The following SLC38A11 variants were observed in gnomAD, a reference collection of about 807,000 sequenced individuals.
SLC38A11 encodes the protein putative sodium-coupled neutral amino acid transporter 11.
A neutral mutation model predicts 49.4 loss-of-function variants in SLC38A11; 51 were observed. That is an observed-to-expected ratio of 1.03 (90% CI 0.83 to 1.30). The LOEUF is 1.30. SLC38A11 is among the 50% of genes most tolerant of loss of function. SLC38A11 has a pLI of 0.00. For missense variants in SLC38A11, 574 were observed against 556.2 expected, an observed-to-expected ratio of 1.03 and a Z score of -0.32; for synonymous variants, 203 against 192.9, an observed-to-expected ratio of 1.05 and a Z score of -0.43.
chr2:164,940,130 A>G (rs1687657079), intron 5 of SLC38A11, among the ~76,000 whole-genome samples: 1 of 150,436 alleles, frequency 6.6e-6, no homozygotes, highest in South Asian at 2.1e-4. Flanking sequence ...TGAATGGCAG[A>G]AGCAACATAT....
chr2:164,902,511 TA>T (rs1422056983), intron 11 of SLC38A11, among the ~76,000 whole-genome samples: 1 of 152,114 alleles, frequency 6.6e-6, no homozygotes, highest in African/African-American at 2.4e-5. Flanking sequence ...TACACAAAAG[TA>T]GAAAGAATAG....
intron 10 of SLC38A11, among the ~76,000 whole-genome samples, chr2:164,911,371 A>G (rs925396823): frequency 3.9e-5 from 6 of 152,156 alleles, no homozygotes; most frequent in Non-Finnish European, 8.8e-5. Context: ...ATGCAGTTGT[A>G]TAAATATTTG....
intron 9 of SLC38A11, among the ~76,000 whole-genome samples, chr2:164,913,380 C>G (rs866314486): frequency 6.6e-6 from 1 of 151,896 alleles, no homozygotes; most frequent in African/African-American, 2.4e-5. Context: ...CTAGAAATGT[C>G]GAGGAGAATC....
At chr2:164,932,199 C>T (rs1687054352) in intron 7 of SLC38A11, among the ~76,000 whole-genome samples, 1 of 152,020 alleles carries the variant, frequency 6.6e-6, no homozygotes, top group African/African-American at 2.4e-5. Context: ...TGAATCAAAA[C>T]CACAATGACA....
intron 7 of SLC38A11, among the ~76,000 whole-genome samples, chr2:164,931,048 A>C: frequency 6.6e-6 from 1 of 152,094 alleles, no homozygotes; most frequent in East Asian, 1.9e-4. Context: ...AAACAACTTC[A>C]GCAAAGCTTC....
At chr2:164,904,941 G>C (rs535516852) in intron 11 of SLC38A11, among the ~76,000 whole-genome samples, 1 of 152,132 alleles carries the variant, frequency 6.6e-6, no homozygotes, top group Non-Finnish European at 1.5e-5. Flanking sequence ...CCAAATGCCT[G>C]TGTTCAAATC....
At chr2:164,938,837 T>C (rs2105499309) in intron 6 of SLC38A11, among the ~76,000 whole-genome samples, 2 of 152,296 alleles carry the variant, frequency 1.3e-5, no homozygotes, top group Middle Eastern at 6.8e-3. Context: ...CCAATAATAT[T>C]TTGGGTAAAA....
intron 9 of SLC38A11, 55 bp from the exon 10 acceptor site, chr2:164,911,803 C>A: frequency 1.1e-6 from 1 of 950,172 alleles, no homozygotes. Flanking sequence ...TTTGAGATAA[C>A]TATCTAATAA....
intron 7 of SLC38A11, among the ~76,000 whole-genome samples, chr2:164,924,808 C>T (rs2105476762): frequency 6.6e-6 from 1 of 152,160 alleles, no homozygotes; most frequent in East Asian, 1.9e-4. Context: ...AATCTCGGCT[C>T]ACTGCAAGCT....
chr2:164,952,806 C>A lies in SLC38A11; in HGVS notation c.155-25G>T, dbSNP rs768034979. Reference sequence around the variant, plus strand: ...CCTGAAAAAACATAAAATGCCCCACCCTTCACATTAACAAGAAAGCTAGAA... The same window carrying A: ...CCTGAAAAAACATAAAATGCCCCACACTTCACATTAACAAGAAAGCTAGAA... On this transcript the variant is annotated intron_variant, in intron 2 of 11. Coordinates refer to ENST00000685975, the MANE Select transcript of SLC38A11 (RefSeq NM_001351537.2). 10 of 1,557,920 alleles carry A rather than the reference C, an allele frequency of 6.4e-6. No individual in the cohort carries two copies. The African/African-American group carries it at 1.1e-4, about 17-fold the overall frequency.
rs759201954 is a variant in SLC38A11, at chr2:164,911,703, A to C, written c.896T>G (p.Phe299Cys). 6.2e-7 allele frequency: 1 copy of C among 1,607,258 alleles called. No homozygotes were observed. The highest frequency in any genetic ancestry group is 8.5e-7 in the Non-Finnish European group (1 of 1,176,530). ...AGTGACACCATAACAAAATCTTCCA[A>C]ATGTTACCAGGTCATCATTTCTGCA... Reference protein sequence around the residue: ...NYCRNDDLVTFGRFCYGVTVI... With the variant: ...NYCRNDDLVTCGRFCYGVTVI... Residue 299 changes from phenylalanine to cysteine, a missense_variant, in exon 10 of 12, where the codon TTT (phenylalanine) becomes TGT (cysteine). Transcript: ENST00000685975.
chr2:164,936,804 TG>T (rs1380458573), intron 7 of SLC38A11, among the ~76,000 whole-genome samples: 1 of 151,432 alleles, frequency 6.6e-6, no homozygotes, highest in East Asian at 1.9e-4. Flanking sequence ...TTTTTAAAAT[TG>T]GGGGAACTAA....
intron 7 of SLC38A11, among the ~76,000 whole-genome samples, chr2:164,931,502 A>T (rs1369066629): frequency 1.3e-5 from 2 of 152,144 alleles, no homozygotes; most frequent in East Asian, 3.9e-4. Flanking sequence ...CAGAGGCATC[A>T]CGCTACCCAA....
intron 5 of SLC38A11, among the ~76,000 whole-genome samples, chr2:164,943,046 T>C (rs1687886893): frequency 6.6e-6 from 1 of 152,188 alleles, no homozygotes; most frequent in South Asian, 2.1e-4. Context: ...TTTGTTTCAT[T>C]TTGTTTTGTA....
chr2:164,936,914 T>C (rs1322771229), intron 7 of SLC38A11, among the ~76,000 whole-genome samples: 1 of 152,162 alleles, frequency 6.6e-6, no homozygotes, highest in Non-Finnish European at 1.5e-5. Context: ...GATGTAGTAT[T>C]TTAACACAAA....
At chr2:164,926,046 C>T (rs949281481) in intron 7 of SLC38A11, among the ~76,000 whole-genome samples, 1 of 152,162 alleles carries the variant, frequency 6.6e-6, no homozygotes, top group Non-Finnish European at 1.5e-5. Flanking sequence ...TTCTCCTCCT[C>T]TTCATTACCA....
chr2:164,898,844 G>A, intron 11 of SLC38A11, 114 bp from the exon 12 acceptor site: 1 of 962,210 alleles, frequency 1.0e-6, no homozygotes, highest in Non-Finnish European at 1.5e-6. Flanking sequence ...ACATGTGATA[G>A]GTTCAGTTGA....
At position 164,915,051 on chromosome 2, in the gene SLC38A11, A is replaced by T. The variant is rs1288277888; in HGVS notation, c.850+61T>A. The T allele has an allele frequency of 6.3e-6, 9 of 1,429,620 alleles. No individual in the cohort carries two copies. In the South Asian group the frequency reaches 1.3e-4, roughly 20 times the overall value. 88.6% of individuals were successfully genotyped at this position (1,429,620 alleles called of 1,614,324 possible). A position where few individuals can be genotyped will look rare whatever the true frequency, so the allele number is the denominator to read the frequency against. On this transcript the variant is annotated intron_variant, in intron 9 of 11. Transcript: ENST00000685975. ...GGGCATACCTGTAACAATAATGAGTAGAACATTCGGTATACCTGTACCAAT... is the reference window on the plus strand; with the variant it reads ...GGGCATACCTGTAACAATAATGAGTTGAACATTCGGTATACCTGTACCAAT...
rs941401038 is a variant in SLC38A11 at position 164,894,535 on chromosome 2, A to G, written c.*3902T>C. On this transcript the variant is annotated 3_prime_UTR_variant, in exon 12 of 12. Transcript: ENST00000685975. ...ATTCTGCTGAGAGTTTAGTCCTTGG[A>G]AAACTTGGTGTTCTTTTGAGAAACT... 6.6e-6 allele frequency among the ~76,000 whole-genome samples: 1 copy of G among 152,142 alleles called. No individual in the cohort carries two copies. Among genetic ancestry groups the G allele is most frequent in the Non-Finnish European group, 1.5e-5 (1 of 68,020 alleles).
Sources: gnomAD v4.1 joint callset for allele counts (sites outside exome capture counted in the v4.1 genomes callset) on GRCh38, gnomAD v4.1.1 for gene constraint, MANE v1.5 for transcripts, NCBI Gene and HGNC (gene_info 2026-07-23, HGNC 2026-07-21) for gene names.